Variants in CDK14 observed in about 807,000 individuals in gnomAD.
CDK14 encodes the protein cyclin dependent kinase 14.
A neutral mutation model predicts 60.7 loss-of-function variants in CDK14; 34 were observed. That is an observed-to-expected ratio of 0.56 (90% CI 0.43 to 0.75). The LOEUF (loss-of-function observed/expected upper bound fraction) is 0.75. CDK14 is among the 30% of genes least tolerant of loss of function. CDK14 has a pLI of 0.00. For synonymous variants in CDK14, 197 were observed against 203.7 expected, an observed-to-expected ratio of 0.97 and a Z score of 0.28; for missense variants, 482 against 564.1, an observed-to-expected ratio of 0.85 and a Z score of 1.47.
intron 2 of CDK14, among the ~76,000 whole-genome samples, chr7:90,713,327 A>G (rs1802130373): frequency 6.6e-6 from 1 of 152,030 alleles, no homozygotes; most frequent in South Asian, 2.1e-4. Flanking sequence ...CTTTTAACTC[A>G]CTATCCAGGG....
chr7:90,951,203 G>T (rs982188805), intron 8 of CDK14, among the ~76,000 whole-genome samples: 1 of 152,110 alleles, frequency 6.6e-6, no homozygotes, highest in Non-Finnish European at 1.5e-5. Context: ...TTGGAGTCAA[G>T]TGATAAAGGA....
chr7:90,654,069 G>T (rs1219192920), intron 2 of CDK14, among the ~76,000 whole-genome samples: 3 of 152,182 alleles, frequency 2.0e-5, no homozygotes, highest in African/African-American at 7.2e-5. Flanking sequence ...GTCTGTCATT[G>T]TTGGACATTT....
chr7:90,773,903 C>CT (rs66713333), intron 4 of CDK14, among the ~76,000 whole-genome samples: 10,947 of 80,364 alleles, frequency 0.14, 1,513 homozygotes, highest in Middle Eastern at 0.2. Context: ...TCTTTTCTTT[C>CT]TTTTTTTTTT....
intron 11 of CDK14, among the ~76,000 whole-genome samples, chr7:91,078,433 C>T (rs1798385829): frequency 6.6e-6 from 1 of 152,102 alleles, no homozygotes; most frequent in Non-Finnish European, 1.5e-5. Flanking sequence ...ATGATGACAC[C>T]CTGTCTCTAC....
chr7:91,175,384 G>A (rs936826749), intron 14 of CDK14, among the ~76,000 whole-genome samples: 2 of 151,822 alleles, frequency 1.3e-5, no homozygotes, highest in African/African-American at 2.4e-5. Flanking sequence ...TCGAGACTAG[G>A]AAGAAACTGC....
chr7:91,197,353 T>C (rs1395541283), intron 14 of CDK14, among the ~76,000 whole-genome samples: 2 of 141,744 alleles, frequency 1.4e-5, no homozygotes, highest in African/African-American at 2.7e-5. Flanking sequence ...TGAGCCGAGA[T>C]CACACCACTG....
intron 10 of CDK14, among the ~76,000 whole-genome samples, chr7:90,989,875 T>C (rs1584204509): frequency 1.3e-5 from 2 of 152,284 alleles, no homozygotes; most frequent in East Asian, 3.9e-4. Context: ...TACTGTATTA[T>C]GTATAAATTA....
At chr7:90,798,228 A>G (rs997741960) in intron 5 of CDK14, among the ~76,000 whole-genome samples, 1 of 151,838 alleles carries the variant, frequency 6.6e-6, no homozygotes, top group Non-Finnish European at 1.5e-5. Context: ...TTCAAGGAAG[A>G]GAAATTAAAC....
chr7:90,919,170 G>T (rs1263602176), intron 8 of CDK14, among the ~76,000 whole-genome samples: 1 of 152,078 alleles, frequency 6.6e-6, no homozygotes, highest in Non-Finnish European at 1.5e-5. Context: ...AATGAAAAAG[G>T]ATTTATAATG....
intron 2 of CDK14, among the ~76,000 whole-genome samples, chr7:90,671,508 T>A (rs1208454285): frequency 6.6e-6 from 1 of 152,172 alleles, no homozygotes; most frequent in Non-Finnish European, 1.5e-5. Flanking sequence ...GCAGTGGCAC[T>A]CAAAATCTTT....
At chr7:90,963,723 T>C (rs1267767519) in intron 9 of CDK14, among the ~76,000 whole-genome samples, 2 of 146,514 alleles carry the variant, frequency 1.4e-5, no homozygotes, top group African/African-American at 2.5e-5. Context: ...TTTTTTTTTT[T>C]TTTTTTTTTT....
At chr7:90,700,134 G>A (rs555740238) in intron 2 of CDK14, among the ~76,000 whole-genome samples, 2 of 152,116 alleles carry the variant, frequency 1.3e-5, no homozygotes, top group South Asian at 2.1e-4. Context: ...TGTCTCTGTC[G>A]CCAGGCTGGA....
intron 3 of CDK14, among the ~76,000 whole-genome samples, chr7:90,736,344 GTTTTTGTTTT>G (rs1327944255): frequency 2.0e-4 from 8 of 41,024 alleles, no homozygotes; most frequent in South Asian, 1.0e-3. Context: ...ACTTTATTAT[GTTTTTGTTTT>G]TTTTTTTTTT....
chr7:91,052,152 T>A (rs541577496), intron 11 of CDK14, among the ~76,000 whole-genome samples: 2 of 152,134 alleles, frequency 1.3e-5, no homozygotes, highest in Non-Finnish European at 2.9e-5. Context: ...TGATTGTGCC[T>A]TAAGCAAAGT....
intron 5 of CDK14, among the ~76,000 whole-genome samples, chr7:90,807,005 G>A (rs1422311016): frequency 2.6e-5 from 4 of 152,222 alleles, no homozygotes; most frequent in Non-Finnish European, 2.9e-5. Context: ...GCAGCTCAAG[G>A]AGGCCTGCCT....
intron 7 of CDK14, among the ~76,000 whole-genome samples, chr7:90,910,932 C>G (rs998111026): frequency 6.6e-6 from 1 of 152,126 alleles, no homozygotes; most frequent in Non-Finnish European, 1.5e-5. Flanking sequence ...CTCCCTTCCC[C>G]CACCCTCCAC....
intron 8 of CDK14, among the ~76,000 whole-genome samples, chr7:90,946,624 A>T (rs896135964): frequency 1.3e-5 from 2 of 152,198 alleles, no homozygotes; most frequent in African/African-American, 4.8e-5. Context: ...AAAACCTCTT[A>T]GTTCATGTTT....
intron 14 of CDK14, among the ~76,000 whole-genome samples, chr7:91,154,504 A>G (rs192503401): frequency 9.8e-5 from 15 of 152,322 alleles, no homozygotes; most frequent in Admixed American, 8.5e-4. Flanking sequence ...GGTTGCTGGT[A>G]CATATTGCCA....
intron 10 of CDK14, among the ~76,000 whole-genome samples, chr7:90,986,782 A>C (rs1453850955): frequency 1.3e-5 from 2 of 151,970 alleles, no homozygotes; most frequent in Non-Finnish European, 2.9e-5. Context: ...AATGATAATA[A>C]TAGTATAACC....
Sources: allele counts gnomAD v4.1 joint callset (sites outside exome capture counted in the v4.1 genomes callset), GRCh38; gene constraint gnomAD v4.1.1; transcripts MANE v1.5; gene names NCBI Gene and HGNC (gene_info 2026-07-23, HGNC 2026-07-21).